AOPEP: variants seen among roughly 807,000 people sequenced by gnomAD.
AOPEP encodes aminopeptidase O.
AOPEP carries 77 observed loss-of-function variants against 98.1 expected under a neutral mutation model. The observed-to-expected ratio is 0.78, with a 90% CI of 0.65 to 0.95. The LOEUF is 0.95. Ranked by LOEUF, AOPEP falls within the 40% of genes least tolerant of loss-of-function variation. The probability of loss-of-function intolerance (pLI) is 0.00; values close to 1 mark genes in which losing one functional copy is unlikely to be tolerated. For missense variants in AOPEP, 1,024 were observed against 1,024.7 expected, an observed-to-expected ratio of 1.00 and a Z score of 0.01; for synonymous variants, 346 against 365.3, an observed-to-expected ratio of 0.95 and a Z score of 0.60.
chr9:95,020,084 C>T (rs2063328789), intron 13 of AOPEP: 1 of 152,234 alleles, frequency 6.6e-6, no homozygotes, highest in African/African-American at 2.4e-5. Context: ...CCTTGTTTCA[C>T]ATATGAGAAT....
At chr9:95,086,290 C>G (rs1310587843) in intron 16 of AOPEP, 2 of 985,442 alleles carry the variant, frequency 2.0e-6, no homozygotes, top group East Asian at 2.3e-4. Flanking sequence ...AAGTTAAGAG[C>G]TCCCAGGCCT....
At chr9:94,792,316 T>C (rs1350953880) in intron 3 of AOPEP, among the ~76,000 whole-genome samples, 1 of 152,224 alleles carries the variant, frequency 6.6e-6, no homozygotes, top group Non-Finnish European at 1.5e-5. Flanking sequence ...TTGCCTTGAA[T>C]TGAATTTGGA....
intron 11 of AOPEP, among the ~76,000 whole-genome samples, chr9:95,000,026 T>C (rs1020143478): frequency 1.4e-4 from 22 of 152,132 alleles, no homozygotes; most frequent in Admixed American, 5.9e-4. Context: ...GCCTCAGCAA[T>C]CCACTACGCC....
chr9:94,795,341 T>C (rs747884185), intron 4 of AOPEP, among the ~76,000 whole-genome samples: 3 of 152,112 alleles, frequency 2.0e-5, no homozygotes, highest in Non-Finnish European at 4.4e-5. Context: ...GAGTGTGTTG[T>C]GTTGGAACAG....
At chr9:95,057,935 C>G (rs2066972877) in intron 13 of AOPEP, among the ~76,000 whole-genome samples, 1 of 152,204 alleles carries the variant, frequency 6.6e-6, no homozygotes, top group South Asian at 2.1e-4. Context: ...AGTGTCCATC[C>G]TTGCTTCTTA....
intron 6 of AOPEP, among the ~76,000 whole-genome samples, chr9:94,924,571 G>A (rs917213303): frequency 6.6e-6 from 1 of 152,224 alleles, no homozygotes; most frequent in South Asian, 2.1e-4. Flanking sequence ...GGTGACTTGT[G>A]TGTGTGCAGT....
At chr9:94,817,234 G>T (rs535454474) in intron 5 of AOPEP, among the ~76,000 whole-genome samples, 1 of 152,200 alleles carries the variant, frequency 6.6e-6, no homozygotes, top group East Asian at 1.9e-4. Context: ...CGAACTCCTG[G>T]ACTCAAGCAA....
chr9:95,082,797 G>A (rs191093256), intron 16 of AOPEP, 78 bp downstream of exon 16: 192 of 1,525,048 alleles, frequency 1.3e-4, no homozygotes, highest in African/African-American at 1.3e-3. Context: ...TCAGTAAGCC[G>A]AATAGTTAGC....
At chr9:95,149,926 A>G in the AOPEP span, 1 of 1,600,116 alleles carries the variant, frequency 6.2e-7, no homozygotes, top group Non-Finnish European at 8.5e-7. Flanking sequence ...CACTTACAGC[A>G]AAATGGCCTC....
chr9:94,776,370 C>T (rs188068494), intron 3 of AOPEP, among the ~76,000 whole-genome samples: 1 of 152,190 alleles, frequency 6.6e-6, no homozygotes, highest in East Asian at 1.9e-4. Context: ...GGCGTGATCT[C>T]GGCTCACTGC....
At chr9:95,102,327 C>G in the AOPEP span, among the ~76,000 whole-genome samples, 2 of 152,228 alleles carry the variant, frequency 1.3e-5, no homozygotes, top group African/African-American at 4.8e-5. Flanking sequence ...ACCGGACCTA[C>G]TTGCTTTTTA....
At chr9:94,759,437 A>G (rs572495321) in intron 1 of AOPEP, among the ~76,000 whole-genome samples, 1 of 152,234 alleles carries the variant, frequency 6.6e-6, no homozygotes, top group Non-Finnish European at 1.5e-5. Flanking sequence ...GTGGAGGCCC[A>G]TGCCATCCAG....
chr9:94,754,870 A>G (rs1233996414), intron 1 of AOPEP, among the ~76,000 whole-genome samples: 1 of 152,184 alleles, frequency 6.6e-6, no homozygotes, highest in Non-Finnish European at 1.5e-5. Context: ...GGCGTTACAG[A>G]GGTTATATCC....
chr9:95,126,395 A>T, the AOPEP span: 1 of 874,516 alleles, frequency 1.1e-6, no homozygotes, highest in Non-Finnish European at 1.9e-6. Flanking sequence ...CAAAAAGCTC[A>T]GAGGAACAGG....
intron 13 of AOPEP, among the ~76,000 whole-genome samples, chr9:95,027,325 C>T (rs2063922467): frequency 6.6e-6 from 1 of 152,138 alleles, no homozygotes; most frequent in Non-Finnish European, 1.5e-5. Flanking sequence ...TCTTTGATGC[C>T]TATCCTCCCT....
rs2059297611 is a variant in AOPEP at position 94,967,743 on chromosome 9, T to G, written c.1873-15T>G. ...TTGATGGACATCTTTAATGATTTGC[T>G]TTTTTTAATCCCAGGATTTCCTTCA... is the stretch of plus-strand genomic sequence containing the variant. On this transcript the variant is annotated splice_polypyrimidine_tract_variant and intron_variant, in intron 9 of 16. Coordinates refer to ENST00000375315, the MANE Select transcript of AOPEP (RefSeq NM_001193329.3). 6.2e-7 allele frequency: 1 copy of G among 1,607,954 alleles called. No homozygotes were observed. The highest frequency in any genetic ancestry group is 1.3e-5 in the African/African-American group (1 of 74,796).
the AOPEP span, chr9:95,099,205 C>T: frequency 4.6e-6 from 1 of 217,622 alleles, no homozygotes; most frequent in East Asian, 6.8e-5. Flanking sequence ...ATTTTTGGCT[C>T]TCTCTGAGGG....
Position 94,983,229 on chromosome 9 carries a change from T to C in AOPEP, c.1977+3802T>C, listed in dbSNP as rs562552983. 2.6e-5 allele frequency among the ~76,000 whole-genome samples: 4 copies of C among 152,264 alleles called. No homozygotes were observed. The East Asian group carries it at 7.7e-4, about 29-fold the overall frequency. ...TAGTAGAGACGGGGTTTCACCATAT[T>C]GGCCAGGCTGGTCTCGAACTCCTGA... On this transcript the variant is annotated intron_variant, in intron 11 of 16. Transcript: ENST00000375315.
rs35849023 is a variant in AOPEP, at chr9:94,838,909, C to CTTTTT, written c.1364+37924_1364+37928dup. On this transcript the variant is annotated intron_variant, in intron 5 of 16. Coordinates refer to ENST00000375315, the MANE Select transcript of AOPEP (RefSeq NM_001193329.3). ...ATAATTAATCACTATAAATGCTATT[C>CTTTTT]TTTTTTTTTTTTTTTTTTTTTGAGA... Among the ~76,000 whole-genome samples, 180 of 99,760 alleles carry CTTTTT rather than the reference C, an allele frequency of 1.8e-3. 1 individual carries two copies. Among genetic ancestry groups the CTTTTT allele is most frequent in the African/African-American group, 3.3e-3 (78 of 23,718 alleles). 65.4% of individuals were successfully genotyped at this position (99,760 alleles called of 152,430 possible). A position where few individuals can be genotyped will look rare whatever the true frequency, so the allele number is the denominator to read the frequency against.
Sources: allele counts gnomAD v4.1 joint callset (sites outside exome capture counted in the v4.1 genomes callset), GRCh38; gene constraint gnomAD v4.1.1; transcripts MANE v1.5; gene names NCBI Gene and HGNC (gene_info 2026-07-23, HGNC 2026-07-21).